The following SEMA3A variants were observed in gnomAD, a reference collection of about 807,000 sequenced individuals.
SEMA3A encodes the protein semaphorin-3A.
In SEMA3A, 29 loss-of-function variants were observed where a neutral mutation model predicts 97.9. The ratio of observed to expected loss-of-function variants is 0.30; its 90% CI spans 0.22 to 0.40. The LOEUF (loss-of-function observed/expected upper bound fraction) is 0.40, where lower values mean the gene tolerates loss of function less well. SEMA3A is among the 10% of genes least tolerant of loss of function. SEMA3A has a pLI of 1.00. For missense variants in SEMA3A, 763 were observed against 951.3 expected, an observed-to-expected ratio of 0.80 and a Z score of 2.60; for synonymous variants, 321 against 323.7, an observed-to-expected ratio of 0.99 and a Z score of 0.09.
At chr7:84,299,357 T>TCTCC (rs1225368371) in intron 3 of SEMA3A, among the ~76,000 whole-genome samples, 1 of 139,436 alleles carries the variant, frequency 7.2e-6, no homozygotes, top group East Asian at 2.3e-4. Flanking sequence ...TCTCTCTCTC[T>TCTCC]CTCTCTCCCT....
intron 12 of SEMA3A, among the ~76,000 whole-genome samples, chr7:83,987,572 G>C (rs1427914484): frequency 6.6e-6 from 1 of 152,134 alleles, no homozygotes; most frequent in Admixed American, 6.6e-5. Context: ...CTCAATTTGG[G>C]ACAGAGATTT....
At chr7:84,037,313 T>C (rs1012553987) in intron 6 of SEMA3A, among the ~76,000 whole-genome samples, 2 of 152,066 alleles carry the variant, frequency 1.3e-5, no homozygotes, top group African/African-American at 4.8e-5. Flanking sequence ...AGCCCTGGCA[T>C]CTTTTGTTTA....
intron 3 of SEMA3A, among the ~76,000 whole-genome samples, chr7:84,299,124 G>T (rs574988270): frequency 8.0e-4 from 121 of 151,828 alleles, no homozygotes; most frequent in Non-Finnish European, 1.6e-3. Flanking sequence ...TCCACCACTG[G>T]CTTCCTTGCT....
At chr7:83,974,277 G>A (rs1399144741) in intron 15 of SEMA3A, among the ~76,000 whole-genome samples, 3 of 152,058 alleles carry the variant, frequency 2.0e-5, no homozygotes, top group Non-Finnish European at 4.4e-5. Flanking sequence ...TTCACCACTC[G>A]AGCCACTTTA....
chr7:84,325,351 AAG>A (rs1331891854), intron 2 of SEMA3A, among the ~76,000 whole-genome samples: 3 of 152,210 alleles, frequency 2.0e-5, no homozygotes, highest in East Asian at 1.9e-4. Flanking sequence ...TGAGGCAAAA[AAG>A]AGAGTGATGA....
At chr7:84,396,876 T>C (rs954269250) in intron 1 of SEMA3A, among the ~76,000 whole-genome samples, 5 of 152,064 alleles carry the variant, frequency 3.3e-5, no homozygotes, top group Non-Finnish European at 5.9e-5. Context: ...GTTTATAATA[T>C]GGATAAATTC....
chr7:84,120,174 CTGT>C (rs1225947258), intron 3 of SEMA3A, among the ~76,000 whole-genome samples: 1 of 151,634 alleles, frequency 6.6e-6, no homozygotes, highest in Non-Finnish European at 1.5e-5. Context: ...GTAAGTTTAT[CTGT>C]ATGAGACTTG....
chr7:84,050,810 C>T (rs1792596113), intron 5 of SEMA3A, among the ~76,000 whole-genome samples: 1 of 152,046 alleles, frequency 6.6e-6, no homozygotes, highest in Non-Finnish European at 1.5e-5. Flanking sequence ...ATGGTAATGC[C>T]TAGGTTTTCT....
At chr7:84,101,572 T>G (rs1422484127) in intron 4 of SEMA3A, among the ~76,000 whole-genome samples, 1 of 152,178 alleles carries the variant, frequency 6.6e-6, no homozygotes, top group Non-Finnish European at 1.5e-5. Context: ...TGGGTTATAC[T>G]CCAGTTAGTT....
At chr7:84,179,447 T>C (rs1043659838) in intron 1 of SEMA3A, among the ~76,000 whole-genome samples, 1 of 152,230 alleles carries the variant, frequency 6.6e-6, no homozygotes, top group African/African-American at 2.4e-5. Flanking sequence ...TTTTCTCATC[T>C]ATATAGGTTC....
At chr7:84,010,146 AG>A (rs201906342) in intron 9 of SEMA3A, among the ~76,000 whole-genome samples, 5 of 151,876 alleles carry the variant, frequency 3.3e-5, no homozygotes, top group African/African-American at 9.7e-5. Flanking sequence ...ATGGAGCCTC[AG>A]GGAAAAAAAA....
intron 3 of SEMA3A, among the ~76,000 whole-genome samples, chr7:84,247,784 G>T (rs1799511402): frequency 6.6e-6 from 1 of 152,186 alleles, no homozygotes; most frequent in Admixed American, 6.5e-5. Flanking sequence ...GTCCAGAAGG[G>T]TGTGTGAGAG....
intron 1 of SEMA3A, among the ~76,000 whole-genome samples, chr7:84,150,509 A>G (rs1345438089): frequency 6.6e-6 from 1 of 152,200 alleles, no homozygotes; most frequent in Non-Finnish European, 1.5e-5. Context: ...GGTCACTCCC[A>G]CCCGAATACT....
intron 1 of SEMA3A, among the ~76,000 whole-genome samples, chr7:84,491,748 C>G (rs545776430): frequency 3.3e-5 from 5 of 152,072 alleles, no homozygotes; most frequent in Non-Finnish European, 7.4e-5. Context: ...GTTGTAAATG[C>G]AAAATAAACG....
intron 6 of SEMA3A, among the ~76,000 whole-genome samples, chr7:84,044,696 G>A (rs1478889839): frequency 6.6e-6 from 1 of 152,022 alleles, no homozygotes; most frequent in Non-Finnish European, 1.5e-5. Flanking sequence ...AGTAAAGGTA[G>A]TGAAACATTG....
At chr7:84,429,856 A>G (rs1804934720) in intron 1 of SEMA3A, among the ~76,000 whole-genome samples, 1 of 151,798 alleles carries the variant, frequency 6.6e-6, no homozygotes, top group African/African-American at 2.4e-5. Context: ...ATGAGGCAGG[A>G]AAATGGACAT....
At chr7:84,143,567 A>C (rs1796362629) in intron 1 of SEMA3A, among the ~76,000 whole-genome samples, 1 of 140,582 alleles carries the variant, frequency 7.1e-6, no homozygotes, top group East Asian at 2.1e-4. Flanking sequence ...TAAAGAGTGG[A>C]GGTGCAGACT....
At chr7:84,233,569 A>C (rs1799165225) in intron 3 of SEMA3A, among the ~76,000 whole-genome samples, 1 of 152,050 alleles carries the variant, frequency 6.6e-6, no homozygotes, top group Non-Finnish European at 1.5e-5. Context: ...ATTTACATTA[A>C]TAAAGGAATT....
chr7:84,254,843 T>G (rs1799682456), intron 3 of SEMA3A, among the ~76,000 whole-genome samples: 1 of 152,178 alleles, frequency 6.6e-6, no homozygotes, highest in Admixed American at 6.6e-5. Flanking sequence ...ATAAACTGCT[T>G]GACCTATTTG....
Sources: allele counts gnomAD v4.1 joint callset (sites outside exome capture counted in the v4.1 genomes callset), GRCh38; gene constraint gnomAD v4.1.1; transcripts MANE v1.5; gene names NCBI Gene and HGNC (gene_info 2026-07-23, HGNC 2026-07-21).